Variants in LMOD3 observed in about 807,000 individuals in gnomAD.
The protein encoded by LMOD3 is leiomodin 3, also known as leiomodin-3.
A neutral mutation model predicts 41.8 loss-of-function variants in LMOD3; 31 were observed. The ratio of observed to expected loss-of-function variants is 0.74; its 90% CI spans 0.56 to 1.00. The LOEUF (loss-of-function observed/expected upper bound fraction) is 1.00. LMOD3 is among the 50% of genes least tolerant of loss of function. The pLI, the probability that LMOD3 is intolerant of heterozygous loss-of-function variation, is 0.00. For missense variants in LMOD3, 755 were observed against 679.5 expected (o/e 1.11, Z -1.23); for synonymous variants, 292 against 241.9 (o/e 1.21, Z -1.92).
chr3:69,107,494 T>TTTTTTTTTTTTTTTTG lies in LMOD3; in HGVS notation c.*1600_*1601insCAAAAAAAAAAAAAAA, dbSNP rs1252768762. On this transcript the variant is annotated 3_prime_UTR_variant, in exon 3 of 3. Transcript: ENST00000420581. ...TTTTTTTTTTTTTTTTTTTTTTTTTTGAGATGGAGTATCACTCTGTCACCC... is the reference window on the plus strand; with the variant it reads ...TTTTTTTTTTTTTTTTTTTTTTTTTTTTTTTTTTTTTTTTTGGAGATGGAGTATCACTCTGTCACCC... The TTTTTTTTTTTTTTTTG allele has an allele frequency of 3.2e-5, 4 of 125,114 alleles. No individual in the cohort carries two copies. Among genetic ancestry groups the TTTTTTTTTTTTTTTTG allele is most frequent in the Non-Finnish European group, 6.4e-5 (4 of 62,704 alleles). 7.8% of individuals were successfully genotyped at this position (125,114 alleles called of 1,614,324 possible). A position where few individuals can be genotyped will look rare whatever the true frequency, so the allele number is the denominator to read the frequency against.
chr3:69,112,740 G>T (rs1449814914), intron 2 of LMOD3, among the ~76,000 whole-genome samples: 1 of 152,152 alleles, frequency 6.6e-6, no homozygotes, highest in African/African-American at 2.4e-5. Context: ...AGCAGCAGCA[G>T]CATTACCAGG....
chr3:69,116,066 G>A (rs2092371210), intron 2 of LMOD3, among the ~76,000 whole-genome samples: 1 of 152,146 alleles, frequency 6.6e-6, no homozygotes, highest in Non-Finnish European at 1.5e-5. Flanking sequence ...TTGACCTTCT[G>A]TAAGTCTAAA....
Position 69,118,744 on chromosome 3 carries a change from C to A in LMOD3, c.1611G>T (p.Gln537His). The A allele has an allele frequency of 6.2e-7, 1 of 1,612,688 alleles. No individual in the cohort carries two copies. Among genetic ancestry groups the A allele is most frequent in the Non-Finnish European group, 8.5e-7 (1 of 1,179,684 alleles). The part of the protein sequence containing the change: ...PPLVEITPRD[Q>H]LLNDIRHSSV... ...TGCTGTGACGAATGTCGTTTAGCAG[C>A]TGATCTCTGGGAGTGATTTCCACCA... The change falls in exon 2 of 3, where the codon CAG (glutamine) becomes CAT (histidine). Residue 537 changes from glutamine (Q) to histidine (H), a missense_variant. Transcript: ENST00000420581.
chr3:69,120,385 G>A (rs2092401810), intron 1 of LMOD3, among the ~76,000 whole-genome samples: 1 of 151,648 alleles, frequency 6.6e-6, no homozygotes, highest in Non-Finnish European at 1.5e-5. Context: ...TACCAAATAG[G>A]CATCTAGTAC....
intron 2 of LMOD3, among the ~76,000 whole-genome samples, chr3:69,111,051 T>C (rs558597740): frequency 5.3e-5 from 8 of 151,926 alleles, no homozygotes; most frequent in Non-Finnish European, 1.0e-4. Context: ...ATCCATCATG[T>C]ATGTACCTTC....
At chr3:69,110,853 A>AAAAAAAAAAAAAAAATATATATATAT (rs1458630453) in intron 2 of LMOD3, among the ~76,000 whole-genome samples, 5 of 104,118 alleles carry the variant, frequency 4.8e-5, no homozygotes, top group African/African-American at 2.4e-4. Context: ...AAAAAAAAAA[A>AAAAAAAAAAAAAAAATATATATATAT]ATATATATAT....
intron 2 of LMOD3, among the ~76,000 whole-genome samples, chr3:69,109,520 C>CTTTTTTTT (rs923225067): frequency 2.5e-4 from 25 of 98,738 alleles, no homozygotes; most frequent in East Asian, 8.1e-4. Flanking sequence ...CATGTTAACA[C>CTTTTTTTT]TTTTTTTTTT....
intron 2 of LMOD3, among the ~76,000 whole-genome samples, chr3:69,115,238 T>G (rs2092366051): frequency 6.6e-6 from 1 of 152,226 alleles, no homozygotes. Context: ...TCCCGCCACT[T>G]TGGGAGGCTG....
intron 2 of LMOD3, among the ~76,000 whole-genome samples, chr3:69,118,309 C>T (rs2092386422): frequency 6.6e-6 from 1 of 152,156 alleles, no homozygotes; most frequent in South Asian, 2.1e-4. Context: ...CACTTCCTAG[C>T]TGTGTCTCCT....
At chr3:69,112,067 G>A (rs995655491) in intron 2 of LMOD3, among the ~76,000 whole-genome samples, 1 of 152,154 alleles carries the variant, frequency 6.6e-6, no homozygotes, top group African/African-American at 2.4e-5. Flanking sequence ...ACAAAAGGTA[G>A]AAATCATAAA....
Position 69,119,407 on chromosome 3 carries a change from G to C in LMOD3, c.948C>G (p.Asn316Lys), listed in dbSNP as rs1338563122. 6.2e-7 allele frequency: 1 copy of C among 1,613,994 alleles called. No individual in the cohort carries two copies. Among genetic ancestry groups the C allele is most frequent in the Non-Finnish European group, 8.5e-7 (1 of 1,179,900 alleles). Residue 316 changes from asparagine to lysine, a missense_variant, in exon 2 of 3, where the codon AAC (asparagine) becomes AAG (lysine). Physicochemically the swap from Asn to Lys is moderately conservative, Grantham distance 94 (BLOSUM62 0). Transcript: ENST00000420581. ...LRENRSITTL[N>K]IESNFITGKG... ...TACCTGTGATGAAATTGGACTCGAT[G>C]TTGAGAGTGGTGATGCTTCTATTTT...
At chr3:69,121,350 GTATCTTTGTAAACAGGCA>G (rs2092406621) in intron 1 of LMOD3, among the ~76,000 whole-genome samples, 1 of 152,088 alleles carries the variant, frequency 6.6e-6, no homozygotes, top group East Asian at 1.9e-4. Context: ...TTAACAAGAT[GTATCTTTGTAAACAGGCA>G]TAACCTAAAG....
chr3:69,110,951 C>T (rs1429815939), intron 2 of LMOD3, among the ~76,000 whole-genome samples: 6 of 149,712 alleles, frequency 4.0e-5, no homozygotes, highest in East Asian at 4.0e-4. Flanking sequence ...CCACTTCATA[C>T]TTCTGCCTCA....
At chr3:69,113,288 C>T (rs1025331808) in intron 2 of LMOD3, among the ~76,000 whole-genome samples, 1 of 152,008 alleles carries the variant, frequency 6.6e-6, no homozygotes, top group Non-Finnish European at 1.5e-5. Context: ...GCTAAGAAAA[C>T]CCTGAGTGAT....
chr3:69,117,065 C>A (rs1327530773), intron 2 of LMOD3, among the ~76,000 whole-genome samples: 1 of 152,204 alleles, frequency 6.6e-6, no homozygotes, highest in African/African-American at 2.4e-5. Context: ...AAACAATACC[C>A]CAATTCATTC....
At position 69,113,478 on chromosome 3, in the gene LMOD3, G is replaced by T. The variant is rs112899998; in HGVS notation, c.1657-4357C>A. Among the ~76,000 whole-genome samples the T allele has an allele frequency of 4.8e-3, 737 of 152,318 alleles. 7 individuals carry two copies. The highest frequency in any genetic ancestry group is 0.016 in the African/African-American group (684 of 41,578). The stretch of plus-strand genomic sequence containing the variant: ...CAAAGAAGAAATGGCCAGTGATGAA[G>T]ATGAATGCTGAAGGGTTTGTAAACT... On this transcript the variant is annotated intron_variant, in intron 2 of 2. Transcript: ENST00000420581.
chr3:69,112,480 T>TGTG (rs2092354343), intron 2 of LMOD3, among the ~76,000 whole-genome samples: 1 of 152,108 alleles, frequency 6.6e-6, no homozygotes, highest in Admixed American at 6.6e-5. Context: ...GGAGGTGCTA[T>TGTG]AAAAGAGGTG....
Position 69,122,532 on chromosome 3 carries a change from G to A in LMOD3, c.-146C>T. 4 of 627,720 alleles carry A rather than the reference G, an allele frequency of 6.4e-6. No homozygotes were observed. The highest frequency in any genetic ancestry group is 1.1e-5 in the Non-Finnish European group (4 of 369,042). 38.9% of individuals were successfully genotyped at this position (627,720 alleles called of 1,614,324 possible). On this transcript the variant is annotated 5_prime_UTR_variant, in exon 1 of 3. Transcript: ENST00000420581. ...TGAGATATTTTTTTTTTTTTCCCAG[G>A]AACCTCAGTGGTTTGCTGAGCAGCT...
chr3:69,110,127 G>A (rs2092341443), intron 2 of LMOD3, among the ~76,000 whole-genome samples: 2 of 152,134 alleles, frequency 1.3e-5, no homozygotes, highest in South Asian at 2.1e-4. Flanking sequence ...GCATGCACCT[G>A]TAATCCTGGC....
Sources: allele counts gnomAD v4.1 joint callset (sites outside exome capture counted in the v4.1 genomes callset), GRCh38; gene constraint gnomAD v4.1.1; transcripts MANE v1.5; gene names NCBI Gene and HGNC (gene_info 2026-07-23, HGNC 2026-07-21).